Variants in WDR27 observed in about 807,000 individuals in gnomAD.
WDR27 encodes WD repeat domain 27.
A neutral mutation model predicts 114.4 loss-of-function variants in WDR27; 100 were observed. The ratio of observed to expected loss-of-function variants is 0.87; its 90% confidence interval spans 0.74 to 1.03. The LOEUF (loss-of-function observed/expected upper bound fraction) is 1.03, where lower values mean the gene tolerates loss of function less well. Among genes scored for constraint, WDR27 ranks in the 50% least tolerant of loss-of-function variants. The probability of loss-of-function intolerance (pLI) is 0.00; values close to 1 mark genes in which losing one functional copy is unlikely to be tolerated. For synonymous variants in WDR27, 449 were observed against 423.1 expected, an observed-to-expected ratio of 1.06 and a Z score of -0.75; for missense variants, 1,129 against 1,092.9, an observed-to-expected ratio of 1.03 and a Z score of -0.47.
intron 25 of WDR27, among the ~76,000 whole-genome samples, chr6:169,541,422 G>T (rs556386610): frequency 6.6e-6 from 1 of 152,222 alleles, no homozygotes; most frequent in African/African-American, 2.4e-5. Context: ...TCAATGAGCT[G>T]CAGAGGAATC....
In WDR27 at chr6:169,602,337, A is replaced by G. The variant is rs1018306032; in HGVS notation, c.2322-16T>C. On this transcript the variant is annotated splice_polypyrimidine_tract_variant and intron_variant, in intron 22 of 25. Transcript: ENST00000448612. ...GCGCTCACACCTACAGGGAGGAAAG[A>G]AACACCAGGAGAAAAATCATTTTAA... is the stretch of plus-strand genomic sequence containing the variant. 1.4e-5 allele frequency: 20 copies of G among 1,479,910 alleles called. No homozygotes were observed. Among genetic ancestry groups the G allele is most frequent in the Non-Finnish European group, 1.7e-5 (19 of 1,088,316 alleles). 91.7% of individuals were successfully genotyped at this position (1,479,910 alleles called of 1,614,324 possible).
At chr6:169,435,660 G>T in the WDR27 span, among the ~76,000 whole-genome samples, 6 of 152,256 alleles carry the variant, frequency 3.9e-5, no homozygotes, top group African/African-American at 1.4e-4. Flanking sequence ...CATTTGGAAT[G>T]AATGTGTTTA....
At chr6:169,618,116 T>C (rs2128192659) in intron 21 of WDR27, among the ~76,000 whole-genome samples, 1 of 152,290 alleles carries the variant, frequency 6.6e-6, no homozygotes, top group South Asian at 2.1e-4. Flanking sequence ...TCTGCATCAA[T>C]AATCATTTCA....
rs1562796452 is a variant in WDR27 at position 169,645,033 on chromosome 6, AAAT to A, written c.1658-1250_1658-1248del. On this transcript the variant is annotated intron_variant, in intron 16 of 25. Transcript: ENST00000448612. ...CAAAAAAAAAAAAAATAAAAAAAAA[AAAT>A]AAAAAAAAAAAAAAAAAAAAAAGAA... Among the ~76,000 whole-genome samples, 18 of 62,596 alleles carry A rather than the reference AAAT, an allele frequency of 2.9e-4. 1 individual carries two copies. The highest frequency in any genetic ancestry group is 1.4e-3 in the African/African-American group (13 of 9,024). The allele number at this position is 62,596 out of a possible 152,430, so 41.1% of individuals were successfully genotyped here.
At position 169,688,928 on chromosome 6, in the gene WDR27, T is replaced by C; in HGVS notation, c.78A>G (p.Glu26=). 1 of 1,613,980 alleles carries C rather than the reference T, an allele frequency of 6.2e-7. No homozygotes were observed. Among genetic ancestry groups the C allele is most frequent in the Non-Finnish European group, 8.5e-7 (1 of 1,179,860 alleles). ...GAACATGAGACACAGACTCCTTGGA[T>C]TCAACCAGGTATTTTTCTATAACTA... ...SDIVIEKYLV[E]SKESVSHVQL... The change falls in exon 2 of 26, where the codon GAA becomes GAG. Residue 26 remains glutamate (E), a synonymous_variant. Coordinates refer to ENST00000448612, the MANE Select transcript of WDR27 (RefSeq NM_182552.5).
intron 21 of WDR27, 109 bp downstream of exon 21, chr6:169,632,838 T>G: frequency 1.9e-6 from 2 of 1,054,502 alleles, no homozygotes; most frequent in Non-Finnish European, 2.5e-6. Flanking sequence ...AAAATTAACA[T>G]TGAATTTGGT....
At chr6:169,687,790 T>C (rs999571867) in intron 2 of WDR27, among the ~76,000 whole-genome samples, 1 of 152,164 alleles carries the variant, frequency 6.6e-6, no homozygotes, top group African/African-American at 2.4e-5. Flanking sequence ...CCCCTCCAAA[T>C]ATGCAGTTTT....
At chr6:169,562,667 G>T (rs78772839) in intron 25 of WDR27, among the ~76,000 whole-genome samples, 2 of 152,162 alleles carry the variant, frequency 1.3e-5, no homozygotes, top group African/African-American at 4.8e-5. Context: ...GAGATTGGAG[G>T]GGACATGGGG....
chr6:169,618,952 T>C (rs1316250849), intron 21 of WDR27, among the ~76,000 whole-genome samples: 1 of 152,226 alleles, frequency 6.6e-6, no homozygotes, highest in Non-Finnish European at 1.5e-5. Context: ...TCAAATACCA[T>C]TCAGATGTTT....
chr6:169,632,884 T>A (rs1816756273), intron 21 of WDR27, 63 bp downstream of exon 21: 6 of 1,430,264 alleles, frequency 4.2e-6, no homozygotes, highest in Non-Finnish European at 4.7e-6. Context: ...TACATTTGTA[T>A]CTGTTAAATG....
At chr6:169,699,623 A>T (rs1004040250) in intron 1 of WDR27, among the ~76,000 whole-genome samples, 26 of 152,290 alleles carry the variant, frequency 1.7e-4, no homozygotes, top group Admixed American at 5.9e-4. Flanking sequence ...GCCTTCCAAG[A>T]CAGCATCCTC....
chr6:169,624,967 G>A (rs1307262120), intron 21 of WDR27, among the ~76,000 whole-genome samples: 1 of 152,222 alleles, frequency 6.6e-6, no homozygotes, highest in Non-Finnish European at 1.5e-5. Context: ...CTCACCCTCG[G>A]GGCCCGGCCC....
intron 2 of WDR27, among the ~76,000 whole-genome samples, chr6:169,686,660 G>A (rs1399516836): frequency 1.3e-5 from 2 of 152,014 alleles, no homozygotes; most frequent in African/African-American, 4.8e-5. Context: ...TGTACAAAGA[G>A]ACAAGCAATA....
At chr6:169,505,832 G>T (rs560940083) in intron 25 of WDR27, among the ~76,000 whole-genome samples, 4 of 152,278 alleles carry the variant, frequency 2.6e-5, no homozygotes, top group African/African-American at 9.6e-5. Flanking sequence ...CCAGATTTTT[G>T]ATTCATTAGG....
intron 20 of WDR27, among the ~76,000 whole-genome samples, chr6:169,633,709 G>C (rs1817000421): frequency 6.6e-6 from 1 of 152,198 alleles, no homozygotes; most frequent in African/African-American, 2.4e-5. Flanking sequence ...GCTGGTGTTA[G>C]CGTTGGATTA....
chr6:169,539,828 G>A (rs1405771671), intron 25 of WDR27, among the ~76,000 whole-genome samples: 1 of 152,110 alleles, frequency 6.6e-6, no homozygotes, highest in East Asian at 1.9e-4. Flanking sequence ...TAACCCCTGT[G>A]GACTTCACAT....
Position 169,516,747 on chromosome 6 carries a change from A to C in WDR27, c.2645+55672T>G, listed in dbSNP as rs1025192227. On this transcript the variant is annotated intron_variant, in intron 25 of 25. Coordinates refer to ENST00000448612, the MANE Select transcript of WDR27 (RefSeq NM_182552.5). ...TCTCTGAATAAATGATGGGTAAGAC[A>C]GAACTGCAAACTGCCTGGCTGAGAG... Among the ~76,000 whole-genome samples the C allele has an allele frequency of 3.3e-5, 5 of 151,098 alleles. No individual in the cohort carries two copies. In the Admixed American group the frequency reaches 3.3e-4, roughly 10 times the overall value.
In WDR27 at chr6:169,457,973, CGGAGGAGGAGGA is replaced by C. The variant is rs148934854; in HGVS notation, c.2646-351_2646-340del. Among the ~76,000 whole-genome samples the C allele has an allele frequency of 1.6e-4, 18 of 111,794 alleles. 1 individual carries two copies. The Middle Eastern group carries it at 0.019, about 116-fold the overall frequency. The allele number at this position is 111,794 out of a possible 152,430, so 73.3% of individuals were successfully genotyped here. The stretch of plus-strand genomic sequence containing the variant: ...GCTGGCCGCAGGAGAGCACTCCTGA[CGGAGGAGGAGGA>C]GGAGGAGGAGGAGGAGGAGGAGGTG... On this transcript the variant is annotated intron_variant, in intron 25 of 25. Coordinates refer to ENST00000448612, the MANE Select transcript of WDR27 (RefSeq NM_182552.5).
intron 25 of WDR27, among the ~76,000 whole-genome samples, chr6:169,503,356 G>C (rs764678037): frequency 6.6e-6 from 1 of 152,202 alleles, no homozygotes; most frequent in Admixed American, 6.5e-5. Context: ...TGTAATCGTA[G>C]GTCCAAAGTT....
Sources: allele counts gnomAD v4.1 joint callset (sites outside exome capture counted in the v4.1 genomes callset), GRCh38; gene constraint gnomAD v4.1.1; transcripts MANE v1.5; gene names NCBI Gene and HGNC (gene_info 2026-07-23, HGNC 2026-07-21).